Variants in CNKSR2 observed in about 807,000 individuals in gnomAD.
CNKSR2 encodes CNK homolog protein 2.
Under a neutral mutation model 84.4 loss-of-function variants are expected in CNKSR2, and 14 were observed. That is an observed-to-expected ratio of 0.17 (90% CI 0.11 to 0.26). The LOEUF is 0.26. Ranked by LOEUF, CNKSR2 falls within the 10% of genes least tolerant of loss-of-function variation. The probability of loss-of-function intolerance (pLI) is 1.00; values close to 1 mark genes in which losing one functional copy is unlikely to be tolerated. For synonymous variants in CNKSR2, 275 were observed against 277.9 expected (o/e 0.99, Z 0.10); for missense variants, 485 against 771.2 (o/e 0.63, Z 4.40).
At chrX:21,393,566 A>C (rs1242842433) in intron 1 of CNKSR2, among the ~76,000 whole-genome samples, 1 of 112,249 alleles carries the variant, frequency 8.9e-6, no homozygotes, top group Non-Finnish European at 1.9e-5. Context: ...AATACTTTTC[A>C]TAAAATTTCA....
At chrX:21,519,357 T>TA (rs1288612308) in intron 9 of CNKSR2, among the ~76,000 whole-genome samples, 1 of 111,204 alleles carries the variant, frequency 9.0e-6, no homozygotes, top group African/African-American at 3.3e-5. Context: ...CAGGAAAAGT[T>TA]AAAGAAATAG....
At chrX:21,376,581 A>T (rs1247335192) in intron 1 of CNKSR2, among the ~76,000 whole-genome samples, 1 of 111,758 alleles carries the variant, frequency 8.9e-6, no homozygotes, top group Non-Finnish European at 1.9e-5. Flanking sequence ...CCAATATCTT[A>T]GATTCCCACC....
intron 8 of CNKSR2, among the ~76,000 whole-genome samples, chrX:21,513,069 G>A (rs2091691323): frequency 1.8e-5 from 2 of 112,227 alleles, no homozygotes; most frequent in African/African-American, 6.5e-5. Context: ...ATCTAGCACA[G>A]TGAATTGTTG....
At chrX:21,449,142 A>G (rs750402287) in intron 4 of CNKSR2, among the ~76,000 whole-genome samples, 2 of 109,849 alleles carry the variant, frequency 1.8e-5, no homozygotes, top group African/African-American at 6.6e-5. Context: ...TGTCTCTACT[A>G]AAATTACAAA....
At chrX:21,534,165 C>T (rs1030669082) in intron 11 of CNKSR2, among the ~76,000 whole-genome samples, 5 of 110,024 alleles carry the variant, frequency 4.5e-5, no homozygotes, top group Non-Finnish European at 7.6e-5. Flanking sequence ...AGTTCCCACT[C>T]GTGAATGCAA....
At chrX:21,571,071 C>T (rs1329402567) in intron 13 of CNKSR2, among the ~76,000 whole-genome samples, 2 of 112,040 alleles carry the variant, frequency 1.8e-5, no homozygotes, top group Non-Finnish European at 3.8e-5. Context: ...CAGGCATTGA[C>T]TTCTCCTCTC....
intron 8 of CNKSR2, chrX:21,503,387 G>A (rs1452803698): frequency 1.4e-5 from 4 of 290,096 alleles, no homozygotes; most frequent in Non-Finnish European, 2.4e-5. Context: ...AATAACCATA[G>A]CTAACACTTA....
chrX:21,451,389 A>T (rs747954002), intron 4 of CNKSR2, among the ~76,000 whole-genome samples: 1 of 111,081 alleles, frequency 9.0e-6, no homozygotes, highest in East Asian at 2.9e-4. Context: ...CTATAAAGAC[A>T]CATGCACACC....
At chrX:21,430,775 A>T (rs1258783864) in intron 2 of CNKSR2, among the ~76,000 whole-genome samples, 1 of 111,925 alleles carries the variant, frequency 8.9e-6, no homozygotes, top group Non-Finnish European at 1.9e-5. Context: ...AGCATCTTTT[A>T]TAAACATAAG....
rs1015815040 is a variant in CNKSR2, at chrX:21,531,943, A to G, written c.1179A>G (p.Ser393=). Residue 393 remains serine, a synonymous_variant, in exon 11 of 22, where the codon TCA becomes TCG. Coordinates refer to ENST00000379510, the MANE Select transcript of CNKSR2 (RefSeq NM_014927.5). ...ATAAGGGATCTGAATCACCAAATTC[A>G]TTTCTGGATCAGGAATATCGAAAGA... is the stretch of plus-strand genomic sequence containing the variant. The part of the protein sequence containing the change: ...PVHKGSESPN[S]FLDQEYRKRF... 8.3e-7 allele frequency: 1 copy of G among 1,203,806 alleles called. No homozygotes were observed. Among genetic ancestry groups the G allele is most frequent in the Non-Finnish European group, 1.1e-6 (1 of 888,808 alleles).
In CNKSR2 at chrX:21,580,933, C is replaced by T. The variant is rs764359908; in HGVS notation, c.1609-9639C>T. The stretch of plus-strand genomic sequence containing the variant: ...ACAGAAGTGTCAGGAGTAGGAGCTG[C>T]CCTAGTTCTGCTTTTCACCTGTTAG... On this transcript the variant is annotated intron_variant, in intron 13 of 21. Transcript: ENST00000379510. Among the ~76,000 whole-genome samples the T allele has an allele frequency of 2.0e-4, 22 of 111,594 alleles. No homozygotes were observed. In the South Asian group the frequency reaches 8.2e-3, roughly 42 times the overall value.
intron 20 of CNKSR2, among the ~76,000 whole-genome samples, chrX:21,638,657 C>T (rs1043593760): frequency 2.7e-5 from 3 of 111,742 alleles, no homozygotes; most frequent in African/African-American, 9.7e-5. Context: ...ATACGCCAAA[C>T]AGAAGCATTA....
chrX:21,504,159 G>C (rs972129266), intron 8 of CNKSR2: 4 of 110,902 alleles, frequency 3.6e-5, no homozygotes, highest in African/African-American at 6.5e-5. Context: ...ATTGTGGTCT[G>C]TACAGTGCAT....
chrX:21,431,348 A>G (rs2090631601), intron 2 of CNKSR2, among the ~76,000 whole-genome samples: 1 of 111,526 alleles, frequency 9.0e-6, no homozygotes, highest in South Asian at 3.8e-4. Context: ...TATTGGTGCT[A>G]AGGAATGTGG....
At chrX:21,546,390 A>G (rs1227515472) in intron 11 of CNKSR2, among the ~76,000 whole-genome samples, 1 of 109,639 alleles carries the variant, frequency 9.1e-6, no homozygotes, top group African/African-American at 3.3e-5. Context: ...ATGAAAAAGA[A>G]TGAACAAAGG....
intron 1 of CNKSR2, among the ~76,000 whole-genome samples, chrX:21,375,763 C>A (rs1362245019): frequency 8.9e-6 from 1 of 111,930 alleles, no homozygotes; most frequent in African/African-American, 3.3e-5. Context: ...CTTGAAGGTT[C>A]CCCCTTTTGT....
chrX:21,438,371 A>G (rs1361091790), intron 3 of CNKSR2, among the ~76,000 whole-genome samples: 1 of 111,948 alleles, frequency 8.9e-6, no homozygotes, highest in Non-Finnish European at 1.9e-5. Flanking sequence ...TTGTTGACCA[A>G]AACGTCATTT....
rs1479412830 is a variant in CNKSR2, at chrX:21,495,106, A to C, written c.682-2681A>C. On this transcript the variant is annotated intron_variant, in intron 6 of 21. Coordinates refer to ENST00000379510, the MANE Select transcript of CNKSR2 (RefSeq NM_014927.5). ...TTGACTTTAATATCTACAGTCATCA[A>C]ATATTCTAATAAGAAAAGTTAAGGT... The C allele has an allele frequency of 2.7e-5, 3 of 112,195 alleles. No homozygotes were observed. The Admixed American group carries it at 2.8e-4, about 11-fold the overall frequency. 9.2% of individuals were successfully genotyped at this position (112,195 alleles called of 1,213,427 possible). A position where few individuals can be genotyped will look rare whatever the true frequency, so the allele number is the denominator to read the frequency against.
At chrX:21,545,029 C>T (rs980739177) in intron 11 of CNKSR2, among the ~76,000 whole-genome samples, 7 of 110,891 alleles carry the variant, frequency 6.3e-5, no homozygotes, top group African/African-American at 2.0e-4. Context: ...GGAATGCCAG[C>T]GAGACAGAAC....
Sources: allele counts gnomAD v4.1 joint callset (sites outside exome capture counted in the v4.1 genomes callset), GRCh38; gene constraint gnomAD v4.1.1; transcripts MANE v1.5; gene names NCBI Gene and HGNC (gene_info 2026-07-23, HGNC 2026-07-21).